The following PRR5L variants were observed in gnomAD, a reference collection of about 807,000 sequenced individuals.
The protein encoded by PRR5L is proline-rich protein 5-like.
A neutral mutation model predicts 36.4 loss-of-function variants in PRR5L; 21 were observed. That is an observed-to-expected ratio of 0.58 (90% CI 0.41 to 0.83). The LOEUF (loss-of-function observed/expected upper bound fraction) is 0.83. Among genes scored for constraint, PRR5L ranks in the 40% least tolerant of loss-of-function variants. The pLI is 0.00. For missense variants in PRR5L, 381 were observed against 473.3 expected (o/e 0.80, Z 1.81); for synonymous variants, 188 against 197.0 (o/e 0.95, Z 0.38).
intron 1 of PRR5L, among the ~76,000 whole-genome samples, chr11:36,298,248 C>T (rs1180925060): frequency 1.3e-5 from 2 of 152,174 alleles, no homozygotes; most frequent in African/African-American, 2.4e-5. Context: ...TTGTAGATGA[C>T]ACTTTTTTCC....
intron 1 of PRR5L, among the ~76,000 whole-genome samples, chr11:36,304,015 G>A (rs1292575351): frequency 2.6e-5 from 4 of 152,136 alleles, no homozygotes; most frequent in Non-Finnish European, 5.9e-5. Context: ...GCTCAGTTGG[G>A]TGAGAGCTGC....
At chr11:36,329,572 A>T (rs570542056) in intron 1 of PRR5L, among the ~76,000 whole-genome samples, 158 of 152,304 alleles carry the variant, frequency 1.0e-3, no homozygotes, top group African/African-American at 3.7e-3. Context: ...TCAAAGTAAG[A>T]TTACCCTTGT....
At chr11:36,333,172 T>C (rs1045454408) in intron 1 of PRR5L, among the ~76,000 whole-genome samples, 1 of 152,230 alleles carries the variant, frequency 6.6e-6, no homozygotes, top group African/African-American at 2.4e-5. Context: ...TTTACTCATA[T>C]AAAAATCCAG....
At chr11:36,443,773 G>A (rs1423061393) in intron 6 of PRR5L, among the ~76,000 whole-genome samples, 1 of 152,186 alleles carries the variant, frequency 6.6e-6, no homozygotes, top group East Asian at 1.9e-4. Context: ...GACAATGGGT[G>A]ACTGTTGAGT....
intron 1 of PRR5L, among the ~76,000 whole-genome samples, chr11:36,299,829 T>A (rs1562325): frequency 0.32 from 48,032 of 151,966 alleles, 8,470 homozygotes; most frequent in Non-Finnish European, 0.4. Flanking sequence ...TGGAGTTTGG[T>A]CTGTGCTGCT....
chr11:36,416,420 T>C (rs1858143725), intron 3 of PRR5L, among the ~76,000 whole-genome samples: 1 of 152,230 alleles, frequency 6.6e-6, no homozygotes, highest in Non-Finnish European at 1.5e-5. Context: ...GTGGTTCTCC[T>C]ACTGTACCTG....
intron 1 of PRR5L, among the ~76,000 whole-genome samples, chr11:36,297,170 T>A (rs1316805065): frequency 6.6e-6 from 1 of 152,192 alleles, no homozygotes; most frequent in Non-Finnish European, 1.5e-5. Flanking sequence ...GAGCCTGGAT[T>A]TGAATTCAGT....
At chr11:36,452,414 C>A (rs1262791166) in intron 8 of PRR5L, among the ~76,000 whole-genome samples, 2 of 152,238 alleles carry the variant, frequency 1.3e-5, no homozygotes, top group African/African-American at 4.8e-5. Context: ...GGCCAGCTGG[C>A]AGTTTTCACC....
At chr11:36,306,809 G>T in intron 1 of PRR5L, among the ~76,000 whole-genome samples, 1 of 152,072 alleles carries the variant, frequency 6.6e-6, no homozygotes, top group East Asian at 1.9e-4. Flanking sequence ...ATTTCATTGG[G>T]TAATGGGATC....
chr11:36,431,775 C>A, intron 4 of PRR5L, 78 bp from the exon 5 acceptor site: 1 of 1,342,464 alleles, frequency 7.4e-7, no homozygotes, highest in Non-Finnish European at 1.1e-6. Flanking sequence ...TGCCCTTGCC[C>A]ACTGGAAGTG....
intron 1 of PRR5L, chr11:36,349,983 T>G (rs1219824867): frequency 6.6e-6 from 1 of 152,054 alleles, no homozygotes; most frequent in African/African-American, 2.4e-5. Context: ...GAGAAGCTCT[T>G]CTACAAGGAG....
intron 1 of PRR5L, among the ~76,000 whole-genome samples, chr11:36,383,306 GC>G (rs1173947651): frequency 6.6e-6 from 1 of 152,102 alleles, no homozygotes; most frequent in Non-Finnish European, 1.5e-5. Context: ...TTGAGGCTTA[GC>G]TCTGTAACCT....
intron 1 of PRR5L, among the ~76,000 whole-genome samples, chr11:36,381,867 G>T (rs1437617646): frequency 1.3e-5 from 2 of 151,924 alleles, no homozygotes; most frequent in South Asian, 2.1e-4. Flanking sequence ...CCTCAAAAAA[G>T]CTCCCCACCA....
chr11:36,335,655 G>C (rs1856762045), intron 1 of PRR5L, among the ~76,000 whole-genome samples: 1 of 152,102 alleles, frequency 6.6e-6, no homozygotes, highest in Non-Finnish European at 1.5e-5. Context: ...TTATTCTTGA[G>C]TACGTGGTAT....
At chr11:36,424,375 T>C (rs558932491) in intron 4 of PRR5L, among the ~76,000 whole-genome samples, 1 of 152,322 alleles carries the variant, frequency 6.6e-6, no homozygotes, top group African/African-American at 2.4e-5. Flanking sequence ...CAAGTATGTA[T>C]TTGCAAGAAC....
At chr11:36,340,421 A>G (rs545246178) in intron 1 of PRR5L, among the ~76,000 whole-genome samples, 2 of 152,294 alleles carry the variant, frequency 1.3e-5, no homozygotes, top group East Asian at 3.9e-4. Context: ...CTTGTCACAA[A>G]TAATAACTGA....
intron 3 of PRR5L, among the ~76,000 whole-genome samples, chr11:36,405,843 T>G (rs748155076): frequency 5.3e-5 from 8 of 152,156 alleles, no homozygotes; most frequent in Non-Finnish European, 1.2e-4. Context: ...ACACATGACC[T>G]CTTTTGTACT....
intron 1 of PRR5L, among the ~76,000 whole-genome samples, chr11:36,380,871 G>A (rs781021654): frequency 1.3e-5 from 2 of 152,000 alleles, no homozygotes; most frequent in Non-Finnish European, 2.9e-5. Context: ...TACTAACTTC[G>A]TTAAAAAGCA....
intron 3 of PRR5L, among the ~76,000 whole-genome samples, chr11:36,407,405 A>G (rs1857933583): frequency 6.6e-6 from 1 of 152,216 alleles, no homozygotes; most frequent in African/African-American, 2.4e-5. Flanking sequence ...CTGTCTCAGA[A>G]AAAACTTCTC....
Sources: allele counts gnomAD v4.1 joint callset (sites outside exome capture counted in the v4.1 genomes callset), GRCh38; gene constraint gnomAD v4.1.1; transcripts MANE v1.5; gene names NCBI Gene and HGNC (gene_info 2026-07-23, HGNC 2026-07-21).